Variants in MBOAT1 observed in about 807,000 individuals in gnomAD.
MBOAT1 encodes the protein membrane-bound glycerophospholipid O-acyltransferase 1.
MBOAT1 carries 67 observed loss-of-function variants against 64.4 expected under a neutral mutation model. The ratio of observed to expected loss-of-function variants is 1.04; its 90% CI spans 0.85 to 1.27. MBOAT1 has a LOEUF of 1.27. Among genes scored for constraint, MBOAT1 ranks in the 50% most tolerant of loss-of-function variants. The pLI, the probability that MBOAT1 is intolerant of heterozygous loss-of-function variation, is 0.00. For missense variants in MBOAT1, 563 were observed against 604.6 expected (o/e 0.93, Z 0.72); for synonymous variants, 229 against 218.9 (o/e 1.05, Z -0.41).
chr6:20,212,065 A>T, intron 1 of MBOAT1, 71 bp downstream of exon 1: 1 of 1,417,692 alleles, frequency 7.1e-7, no homozygotes, highest in Middle Eastern at 1.8e-4. Context: ...GACGGTGGCT[A>T]ACACTTTCGC....
At chr6:20,159,322 A>G (rs1346420021) in intron 1 of MBOAT1, among the ~76,000 whole-genome samples, 1 of 152,164 alleles carries the variant, frequency 6.6e-6, no homozygotes, top group African/African-American at 2.4e-5. Context: ...CAGCAGCATT[A>G]GATTCTCATA....
intron 4 of MBOAT1, among the ~76,000 whole-genome samples, chr6:20,135,680 A>G (rs1760970125): frequency 6.6e-6 from 1 of 152,138 alleles, no homozygotes; most frequent in African/African-American, 2.4e-5. Context: ...CATCAAGATG[A>G]ACTGACATTC....
chr6:20,166,458 A>G (rs576503061), intron 1 of MBOAT1, among the ~76,000 whole-genome samples: 3 of 152,236 alleles, frequency 2.0e-5, no homozygotes, highest in Non-Finnish European at 4.4e-5. Context: ...TTGAGAAGAG[A>G]CACTGAGCAG....
intron 1 of MBOAT1, among the ~76,000 whole-genome samples, chr6:20,201,439 T>G (rs1192865385): frequency 6.6e-6 from 1 of 152,076 alleles, no homozygotes; most frequent in Non-Finnish European, 1.5e-5. Context: ...ACAGACTATC[T>G]CTGAAATCAT....
At chr6:20,177,915 T>G (rs1762396560) in intron 1 of MBOAT1, among the ~76,000 whole-genome samples, 1 of 152,032 alleles carries the variant, frequency 6.6e-6, no homozygotes, top group Non-Finnish European at 1.5e-5. Context: ...CCCTGCCACC[T>G]CACTTCCCTC....
intron 11 of MBOAT1, among the ~76,000 whole-genome samples, chr6:20,111,859 C>CGTATATATACATATAT (rs1371697719): frequency 2.8e-5 from 3 of 108,644 alleles, no homozygotes; most frequent in Admixed American, 9.7e-5. Flanking sequence ...TATATATATA[C>CGTATATATACATATAT]ATATATATAC....
intron 8 of MBOAT1, among the ~76,000 whole-genome samples, chr6:20,122,624 GC>G (rs1760526320): frequency 6.6e-6 from 1 of 152,062 alleles, no homozygotes; most frequent in Non-Finnish European, 1.5e-5. Flanking sequence ...GAACATTTTG[GC>G]CCTTAAAAAT....
At chr6:20,207,086 G>A (rs1763285986) in intron 1 of MBOAT1, among the ~76,000 whole-genome samples, 1 of 152,202 alleles carries the variant, frequency 6.6e-6, no homozygotes. Flanking sequence ...AAGAAAAAAA[G>A]CACATATTTG....
At chr6:20,123,682 G>A (rs1331730829) in intron 8 of MBOAT1, among the ~76,000 whole-genome samples, 3 of 151,278 alleles carry the variant, frequency 2.0e-5, no homozygotes, top group African/African-American at 7.3e-5. Context: ...TTAAAGAAGT[G>A]TAACCTAAAT....
chr6:20,147,082 A>G (rs1426889699), intron 3 of MBOAT1, among the ~76,000 whole-genome samples: 2 of 152,200 alleles, frequency 1.3e-5, no homozygotes, highest in East Asian at 3.9e-4. Flanking sequence ...CCCCTACACA[A>G]GTTCTCTCTT....
chr6:20,125,068 G>A, intron 7 of MBOAT1, among the ~76,000 whole-genome samples: 1 of 152,096 alleles, frequency 6.6e-6, no homozygotes, highest in Non-Finnish European at 1.5e-5. Context: ...TGAATACCTG[G>A]GCCAGCCAGG....
Position 20,137,325 on chromosome 6 carries a change from G to A in MBOAT1, c.420-6126C>T, listed in dbSNP as rs1581415138. Among the ~76,000 whole-genome samples the A allele has an allele frequency of 2.0e-5, 3 of 152,232 alleles. No homozygotes were observed. In the South Asian group the frequency reaches 6.2e-4, roughly 32 times the overall value. ...CTGAATCTGGCCTACCATGGCAAAA[G>A]GAAATAAGAGTTCTTGCTGGGGCCC... is the stretch of plus-strand genomic sequence containing the variant. On this transcript the variant is annotated intron_variant, in intron 4 of 12. Coordinates refer to ENST00000324607, the MANE Select transcript of MBOAT1 (RefSeq NM_001080480.3).
At chr6:20,192,397 C>G (rs1762826153) in intron 1 of MBOAT1, among the ~76,000 whole-genome samples, 1 of 152,030 alleles carries the variant, frequency 6.6e-6, no homozygotes, top group Non-Finnish European at 1.5e-5. Flanking sequence ...AACTAAAAAC[C>G]AAATTTTCCT....
intron 1 of MBOAT1, among the ~76,000 whole-genome samples, chr6:20,210,629 T>C (rs1382227279): frequency 7.6e-6 from 1 of 131,212 alleles, no homozygotes; most frequent in African/African-American, 2.8e-5. Context: ...TTCCTAAGGC[T>C]CTTTTGTTCC....
At chr6:20,206,603 C>T (rs932452444) in intron 1 of MBOAT1, among the ~76,000 whole-genome samples, 4 of 152,164 alleles carry the variant, frequency 2.6e-5, no homozygotes, top group East Asian at 1.9e-4. Flanking sequence ...GACAGCAGGC[C>T]GGGTCACACC....
chr6:20,155,251 C>T lies in MBOAT1; in HGVS notation c.100-2482G>A, dbSNP rs145409580. 2.9e-3 allele frequency among the ~76,000 whole-genome samples: 443 copies of T among 152,304 alleles called. 2 individuals are homozygous for T. The highest frequency in any genetic ancestry group is 0.01 in the African/African-American group (426 of 41,568). On this transcript the variant is annotated intron_variant, in intron 1 of 12. Coordinates refer to ENST00000324607, the MANE Select transcript of MBOAT1 (RefSeq NM_001080480.3). The stretch of plus-strand genomic sequence containing the variant: ...CTAGACCTACTGAATTAGACATTTC[C>T]TAGGCAGGATCTGGCAATTTTTGTT...
At chr6:20,171,304 A>G (rs2113725930) in intron 1 of MBOAT1, among the ~76,000 whole-genome samples, 1 of 151,914 alleles carries the variant, frequency 6.6e-6, no homozygotes, top group Non-Finnish European at 1.5e-5. Flanking sequence ...TGGGAGGCCA[A>G]GGCAGAAGGA....
chr6:20,108,825 T>C (rs1365050674), intron 12 of MBOAT1, among the ~76,000 whole-genome samples: 1 of 152,224 alleles, frequency 6.6e-6, no homozygotes, highest in African/African-American at 2.4e-5. Context: ...AAGACGGTGC[T>C]CTGAGGTGAA....
chr6:20,193,175 T>G (rs1346378253), intron 1 of MBOAT1, among the ~76,000 whole-genome samples: 3 of 149,642 alleles, frequency 2.0e-5, no homozygotes, highest in Non-Finnish European at 4.5e-5. Context: ...CCGGCTAATT[T>G]TTTTGTATTT....
Sources: gnomAD v4.1 joint callset for allele counts (sites outside exome capture counted in the v4.1 genomes callset) on GRCh38, gnomAD v4.1.1 for gene constraint, MANE v1.5 for transcripts, NCBI Gene and HGNC (gene_info 2026-07-23, HGNC 2026-07-21) for gene names.